The following NALF1 variants were observed in gnomAD, a reference collection of about 807,000 sequenced individuals.
NALF1 encodes the protein NALCN channel auxiliary factor 1, also known as family with sequence similarity 155 member A.
Under a neutral mutation model 48.4 loss-of-function variants are expected in NALF1, and 3 were observed. The ratio of observed to expected loss-of-function variants is 0.06; its 90% confidence interval spans 0.03 to 0.16. NALF1 has a LOEUF of 0.16. NALF1 is among the 10% of genes least tolerant of loss of function. The pLI, the probability that NALF1 is intolerant of heterozygous loss-of-function variation, is 1.00. For missense variants in NALF1, 526 were observed against 571.5 expected (o/e 0.92, Z 0.81); for synonymous variants, 262 against 245.7 (o/e 1.07, Z -0.62).
intron 1 of NALF1, among the ~76,000 whole-genome samples, chr13:107,448,100 C>T (rs948527924): frequency 2.0e-5 from 3 of 152,128 alleles, no homozygotes; most frequent in African/African-American, 7.2e-5. Flanking sequence ...TGTTCATTAG[C>T]CCGAGCCCCT....
chr13:107,694,312 AC>A (rs1361709519), intron 1 of NALF1, among the ~76,000 whole-genome samples: 2 of 91,416 alleles, frequency 2.2e-5, no homozygotes, highest in Non-Finnish European at 5.3e-5. Context: ...CCTGCTTTAT[AC>A]ATTTTTTTTT....
chr13:107,579,061 C>T (rs1466405508), intron 1 of NALF1, among the ~76,000 whole-genome samples: 1 of 152,156 alleles, frequency 6.6e-6, no homozygotes, highest in East Asian at 1.9e-4. Flanking sequence ...TCCATGCTTT[C>T]ATGCTAACAT....
chr13:107,182,189 C>T (rs1879077121), intron 2 of NALF1, among the ~76,000 whole-genome samples: 1 of 151,222 alleles, frequency 6.6e-6, no homozygotes, highest in African/African-American at 2.4e-5. Context: ...TGTTTTCTGT[C>T]ATTTGCAATA....
At chr13:107,430,813 C>T (rs1220131163) in intron 1 of NALF1, among the ~76,000 whole-genome samples, 1 of 152,002 alleles carries the variant, frequency 6.6e-6, no homozygotes, top group East Asian at 1.9e-4. Flanking sequence ...GGGTATATAC[C>T]CAGTAATGGG....
chr13:107,387,616 T>C (rs541711345), intron 1 of NALF1, among the ~76,000 whole-genome samples: 1 of 152,160 alleles, frequency 6.6e-6, no homozygotes, highest in Non-Finnish European at 1.5e-5. Context: ...TGATCACTTC[T>C]GATCCGAGAT....
intron 1 of NALF1, among the ~76,000 whole-genome samples, chr13:107,670,500 T>G (rs1168385582): frequency 6.6e-6 from 1 of 152,118 alleles, no homozygotes; most frequent in African/African-American, 2.4e-5. Flanking sequence ...GTAAATGAAC[T>G]AAAGTATGTA....
intron 1 of NALF1, among the ~76,000 whole-genome samples, chr13:107,328,769 A>G (rs1882413812): frequency 6.6e-6 from 1 of 152,212 alleles, no homozygotes; most frequent in Non-Finnish European, 1.5e-5. Context: ...ACAGCAGGAA[A>G]TCAGGGTGAC....
chr13:107,468,691 A>G (rs188229156), intron 1 of NALF1, among the ~76,000 whole-genome samples: 18 of 152,344 alleles, frequency 1.2e-4, no homozygotes, highest in African/African-American at 4.1e-4. Flanking sequence ...TGTTTTAATG[A>G]ATAACTGAAC....
At chr13:107,784,403 GTAAATTATTCACTC>G (rs1878011814) in intron 1 of NALF1, among the ~76,000 whole-genome samples, 1 of 152,140 alleles carries the variant, frequency 6.6e-6, no homozygotes, top group Non-Finnish European at 1.5e-5. Flanking sequence ...ATTTTTCCTA[GTAAATTATTCACTC>G]ATTTTCTTCT....
intron 1 of NALF1, among the ~76,000 whole-genome samples, chr13:107,710,731 TATATATATACATATC>T (rs1240002770): frequency 6.6e-6 from 1 of 150,904 alleles, no homozygotes; most frequent in East Asian, 2.0e-4. Flanking sequence ...TTACAATTTT[TATATATATACATATC>T]ATATATATAC....
intron 1 of NALF1, among the ~76,000 whole-genome samples, chr13:107,610,323 T>C (rs1299634536): frequency 6.6e-6 from 1 of 152,146 alleles, no homozygotes; most frequent in Non-Finnish European, 1.5e-5. Context: ...AGAGTACCCA[T>C]TACACCAAAA....
chr13:107,549,254 A>G (rs1401086999), intron 1 of NALF1, among the ~76,000 whole-genome samples: 1 of 152,172 alleles, frequency 6.6e-6, no homozygotes, highest in Non-Finnish European at 1.5e-5. Context: ...TGACAGTGGG[A>G]CTGGCAGTGA....
chr13:107,581,378 T>A (rs534830807), intron 1 of NALF1, among the ~76,000 whole-genome samples: 1 of 152,344 alleles, frequency 6.6e-6, no homozygotes, highest in South Asian at 2.1e-4. Context: ...TTCATACCTT[T>A]GAGCTTCCTA....
rs58213843 is a variant in NALF1 at position 107,749,128 on chromosome 13, T to TTGTGTGTG, written c.915+116546_915+116553dup. Among the ~76,000 whole-genome samples, 1,462 of 147,422 alleles carry TTGTGTGTG rather than the reference T, an allele frequency of 9.9e-3. 15 individuals carry two copies. Among genetic ancestry groups the TTGTGTGTG allele is most frequent in the South Asian group, 0.023 (106 of 4,560 alleles). On this transcript the variant is annotated intron_variant, in intron 1 of 2. Transcript: ENST00000375915. ...ATGACTCAGACTATAATGTCTATAA[T>TTGTGTGTG]TGTGTGTGTGTGTGTGTGTGTGTGT...
intron 1 of NALF1, among the ~76,000 whole-genome samples, chr13:107,287,472 G>T (rs763945667): frequency 3.9e-5 from 6 of 151,990 alleles, no homozygotes; most frequent in Non-Finnish European, 7.4e-5. Flanking sequence ...TATTTTCTTA[G>T]GGCTTCTCTA....
At chr13:107,302,152 G>A (rs1051535388) in intron 1 of NALF1, among the ~76,000 whole-genome samples, 4 of 152,138 alleles carry the variant, frequency 2.6e-5, no homozygotes, top group Admixed American at 6.5e-5. Flanking sequence ...ACTTGAGCTC[G>A]CAAGCTCAGC....
intron 1 of NALF1, among the ~76,000 whole-genome samples, chr13:107,809,228 C>G (rs1446715217): frequency 1.3e-5 from 2 of 151,946 alleles, no homozygotes; most frequent in Non-Finnish European, 2.9e-5. Flanking sequence ...TGCGGTTAAT[C>G]AGGCCATGAC....
intron 1 of NALF1, among the ~76,000 whole-genome samples, chr13:107,282,866 A>G (rs545088630): frequency 6.6e-6 from 1 of 152,348 alleles, no homozygotes; most frequent in African/African-American, 2.4e-5. Context: ...GTTGGGTGAG[A>G]TAACAAATAT....
chr13:107,787,254 T>C (rs907123540), intron 1 of NALF1, among the ~76,000 whole-genome samples: 1 of 152,232 alleles, frequency 6.6e-6, no homozygotes, highest in African/African-American at 2.4e-5. Flanking sequence ...TCCATATATA[T>C]GCATAAACAC....
Sources: gnomAD v4.1 joint callset for allele counts (sites outside exome capture counted in the v4.1 genomes callset) on GRCh38, gnomAD v4.1.1 for gene constraint, MANE v1.5 for transcripts, NCBI Gene and HGNC (gene_info 2026-07-23, HGNC 2026-07-21) for gene names.